ANO6: variants seen among roughly 807,000 people sequenced by gnomAD.
ANO6 encodes anoctamin 6, also known as anoctamin-6.
In ANO6, 106 loss-of-function variants were observed where a neutral mutation model predicts 117.5. The observed-to-expected ratio is 0.90, with a 90% CI of 0.77 to 1.06. The LOEUF (loss-of-function observed/expected upper bound fraction) is 1.06, where lower values mean the gene tolerates loss of function less well. Among genes scored for constraint, ANO6 ranks in the 50% least tolerant of loss-of-function variants. ANO6 has a pLI of 0.00. For missense variants in ANO6, 955 were observed against 1,121.1 expected, an observed-to-expected ratio of 0.85 and a Z score of 2.12; for synonymous variants, 367 against 385.1, an observed-to-expected ratio of 0.95 and a Z score of 0.55.
At chr12:45,367,899 A>G (rs1941727361) in intron 9 of ANO6, 106 bp downstream of exon 9, 1 of 837,844 alleles carries the variant, frequency 1.2e-6, no homozygotes, top group Non-Finnish European at 2.0e-6. Flanking sequence ...AGGAATTAAG[A>G]TATTTTTCAA....
intron 2 of ANO6, among the ~76,000 whole-genome samples, chr12:45,314,534 A>ATATATATACACATATATGTG (rs900590779): frequency 6.6e-6 from 1 of 151,064 alleles, no homozygotes; most frequent in Non-Finnish European, 1.5e-5. Context: ...TCTACCAAAT[A>ATATATATACACATATATGTG]TATATATACA....
At chr12:45,287,496 C>A (rs1430893655) in intron 1 of ANO6, among the ~76,000 whole-genome samples, 1 of 152,196 alleles carries the variant, frequency 6.6e-6, no homozygotes. Flanking sequence ...GCACTGGAAT[C>A]TATTGCACGC....
At position 45,348,545 on chromosome 12, in the gene ANO6, T is replaced by C; in HGVS notation, c.661T>C (p.Tyr221His). 1 of 1,614,010 alleles carries C rather than the reference T, an allele frequency of 6.2e-7. No individual in the cohort carries two copies. Reference protein sequence around the residue: ...IVYFILSRVKYQVINNVSKFG... With the variant: ...IVYFILSRVKHQVINNVSKFG... ...TTACTTCATCCTCTCTCGGGTCAAG[T>C]ATCAAGTGATAAACAATGTTAGCAA... Residue 221 changes from tyrosine (Y) to histidine (H), a missense_variant, in exon 6 of 20, where the codon TAT becomes CAT. Coordinates refer to ENST00000320560, the MANE Select transcript of ANO6 (RefSeq NM_001025356.3).
At chr12:45,337,155 A>G (rs1940850074) in intron 3 of ANO6, among the ~76,000 whole-genome samples, 1 of 152,122 alleles carries the variant, frequency 6.6e-6, no homozygotes, top group South Asian at 2.1e-4. Flanking sequence ...GCAGTAGTGC[A>G]CATAATGTCT....
At chr12:45,399,647 G>A (rs2137620723) in intron 12 of ANO6, among the ~76,000 whole-genome samples, 1 of 152,130 alleles carries the variant, frequency 6.6e-6, no homozygotes, top group Middle Eastern at 3.4e-3. Context: ...TTACATGTTT[G>A]TCTCAAACCA....
intron 1 of ANO6, among the ~76,000 whole-genome samples, chr12:45,224,848 G>A (rs1364996458): frequency 6.6e-6 from 1 of 152,064 alleles, no homozygotes; most frequent in Non-Finnish European, 1.5e-5. Flanking sequence ...AGTTATATGG[G>A]ATTTTAATTC....
At position 45,390,446 on chromosome 12, in the gene ANO6, C is replaced by T; in HGVS notation, c.1334C>T (p.Ala445Val). 4 of 1,613,832 alleles carry T rather than the reference C, an allele frequency of 2.5e-6. No individual in the cohort carries two copies. Among genetic ancestry groups the T allele is most frequent in the Non-Finnish European group, 3.4e-6 (4 of 1,179,900 alleles). Residue 445 changes from alanine to valine, a missense_variant, in exon 12 of 20, where the codon GCC (alanine) becomes GTC (valine). Ala to Val is a moderately conservative substitution (Grantham distance 64). Transcript: ENST00000320560. ...TQEEERIPFT[A>V]WGKCIRITLC... ...GAAGAAGAACGCATTCCCTTTACTG[C>T]CTGGGGAAAATGTATACGGATAACC...
chr12:45,308,292 C>G (rs779101159), intron 2 of ANO6, among the ~76,000 whole-genome samples: 10 of 151,836 alleles, frequency 6.6e-5, no homozygotes, highest in Admixed American at 1.3e-4. Context: ...TTGGCCATAG[C>G]TGTAGGGACT....
chr12:45,279,615 A>G (rs1343188911), intron 1 of ANO6, among the ~76,000 whole-genome samples: 1 of 152,240 alleles, frequency 6.6e-6, no homozygotes, highest in Non-Finnish European at 1.5e-5. Context: ...TGGGGCGAGT[A>G]CGTGGAAAGC....
chr12:45,276,470 C>T (rs1261851081), intron 1 of ANO6, among the ~76,000 whole-genome samples: 1 of 152,076 alleles, frequency 6.6e-6, no homozygotes, highest in Non-Finnish European at 1.5e-5. Context: ...TGCTTCAGAA[C>T]TATGGTCTTG....
At chr12:45,370,948 C>A (rs1941810453) in intron 9 of ANO6, among the ~76,000 whole-genome samples, 1 of 152,138 alleles carries the variant, frequency 6.6e-6, no homozygotes, top group South Asian at 2.1e-4. Context: ...ATCTGAGGTA[C>A]CGGGCTCATC....
rs150007363 is a variant in ANO6, at chr12:45,237,568, G to A, written c.70+21177G>A. On this transcript the variant is annotated intron_variant, in intron 1 of 19. Transcript: ENST00000320560. The stretch of plus-strand genomic sequence containing the variant: ...GTGTTATTTCTGAGGCCTCTGTTCT[G>A]TTCCATTGGTCTATATCTCTGTTTT... Among the ~76,000 whole-genome samples the A allele has an allele frequency of 3.4e-3, 515 of 152,250 alleles. 3 individuals are homozygous for A. Among genetic ancestry groups the A allele is most frequent in the African/African-American group, 0.011 (462 of 41,536 alleles).
chr12:45,305,561 T>C (rs544688206), intron 2 of ANO6, among the ~76,000 whole-genome samples: 1 of 152,276 alleles, frequency 6.6e-6, no homozygotes, highest in East Asian at 1.9e-4. Flanking sequence ...ATGGTGACTA[T>C]CATTTGGGGA....
downstream of ANO6, among the ~76,000 whole-genome samples, chr12:45,434,414 G>A (rs1243074955): frequency 1.3e-5 from 2 of 152,164 alleles, no homozygotes; most frequent in African/African-American, 4.8e-5. Flanking sequence ...TTCACGGGCT[G>A]ACCACACCGC....
chr12:45,363,824 G>A (rs1941618007), intron 8 of ANO6, among the ~76,000 whole-genome samples: 1 of 152,108 alleles, frequency 6.6e-6, no homozygotes, highest in Admixed American at 6.5e-5. Context: ...ATTCTTTCTT[G>A]CCTGCCTCCA....
At chr12:45,347,111 C>T (rs1941155189) in intron 4 of ANO6, 24 bp downstream of exon 4, 1 of 1,612,148 alleles carries the variant, frequency 6.2e-7, no homozygotes, top group Non-Finnish European at 8.5e-7. Context: ...CCTTTTCAGC[C>T]CTCGGCTGAC....
chr12:45,218,299 G>A (rs11182919), intron 1 of ANO6, among the ~76,000 whole-genome samples: 17,852 of 151,464 alleles, frequency 0.12, 1,510 homozygotes, highest in East Asian at 0.3. Context: ...AACAGGTCTT[G>A]GCAATATTTT....
At chr12:45,276,953 C>A (rs1156852886) in intron 1 of ANO6, among the ~76,000 whole-genome samples, 1 of 152,142 alleles carries the variant, frequency 6.6e-6, no homozygotes, top group Non-Finnish European at 1.5e-5. Context: ...AGCTGCATCA[C>A]CTTTTCTGTT....
At chr12:45,229,409 A>G (rs1442531579) in intron 1 of ANO6, among the ~76,000 whole-genome samples, 9 of 39,134 alleles carry the variant, frequency 2.3e-4, no homozygotes, top group Admixed American at 2.1e-3. Context: ...TTTTTTTTTG[A>G]GACAGTGTCT....
Sources: allele counts gnomAD v4.1 joint callset (sites outside exome capture counted in the v4.1 genomes callset), GRCh38; gene constraint gnomAD v4.1.1; transcripts MANE v1.5; gene names NCBI Gene and HGNC (gene_info 2026-07-23, HGNC 2026-07-21).